The following RPH3A variants were observed in gnomAD, a reference collection of about 807,000 sequenced individuals.
The protein encoded by RPH3A is rabphilin-3A.
Under a neutral mutation model 102.2 loss-of-function variants are expected in RPH3A, and 48 were observed. The ratio of observed to expected loss-of-function variants is 0.47; its 90% CI spans 0.37 to 0.60. RPH3A has a LOEUF of 0.60. RPH3A is among the 20% of genes least tolerant of loss of function. The pLI, the probability that RPH3A is intolerant of heterozygous loss-of-function variation, is 0.00. For missense variants in RPH3A, 781 were observed against 910.1 expected (o/e 0.86, Z 1.83); for synonymous variants, 310 against 324.3 (o/e 0.96, Z 0.47).
At chr12:112,841,556 G>A (rs1352772510) in intron 4 of RPH3A, among the ~76,000 whole-genome samples, 1 of 152,156 alleles carries the variant, frequency 6.6e-6, no homozygotes, top group African/African-American at 2.4e-5. Context: ...GAGAGTAAAT[G>A]TAAACCCTAT....
At chr12:112,821,151 C>G (rs1466705499) in intron 2 of RPH3A, among the ~76,000 whole-genome samples, 1 of 152,178 alleles carries the variant, frequency 6.6e-6, no homozygotes, top group Admixed American at 6.5e-5. Context: ...ACCAGGCGGG[C>G]AGGCAAGTGA....
chr12:112,669,712 A>T (rs1472479938), intron 1 of RPH3A, among the ~76,000 whole-genome samples: 2 of 152,246 alleles, frequency 1.3e-5, no homozygotes, highest in East Asian at 3.8e-4. Context: ...CATAAATGAG[A>T]TCATACTGTG....
intron 1 of RPH3A, among the ~76,000 whole-genome samples, chr12:112,641,745 T>G (rs1293577057): frequency 6.6e-6 from 1 of 152,150 alleles, no homozygotes; most frequent in Non-Finnish European, 1.5e-5. Context: ...TTGTAGAGAT[T>G]TGTAACTATC....
chr12:112,755,198 C>G (rs756962020), intron 1 of RPH3A, among the ~76,000 whole-genome samples: 2 of 151,968 alleles, frequency 1.3e-5, no homozygotes, highest in Non-Finnish European at 2.9e-5. Flanking sequence ...TCATCTAGTT[C>G]TCACTTCTCC....
At chr12:112,595,789 C>T (rs909826063) in intron 1 of RPH3A, among the ~76,000 whole-genome samples, 1 of 152,152 alleles carries the variant, frequency 6.6e-6, no homozygotes, top group African/African-American at 2.4e-5. Context: ...GACATCCAAG[C>T]CAATTTTGGG....
At chr12:112,873,150 T>C (rs1252332359) in intron 10 of RPH3A, among the ~76,000 whole-genome samples, 2 of 152,222 alleles carry the variant, frequency 1.3e-5, no homozygotes, top group Non-Finnish European at 2.9e-5. Flanking sequence ...ATAATCATAA[T>C]AACAACTTAA....
chr12:112,596,082 A>G (rs2039514341), intron 1 of RPH3A, among the ~76,000 whole-genome samples: 1 of 152,198 alleles, frequency 6.6e-6, no homozygotes, highest in Admixed American at 6.5e-5. Flanking sequence ...TTCTCAAAAC[A>G]TCATTGAGTG....
rs932698157 is a variant in RPH3A, at chr12:112,897,015, T to C, written c.*235T>C. On this transcript the variant is annotated 3_prime_UTR_variant, in exon 22 of 22. Transcript: ENST00000389385. ...CTCTCTCATCCCTGGGATGGAGCAATGGGGATGGGGTTGGGGAGACGTTTA... is the reference window on the plus strand; with the variant it reads ...CTCTCTCATCCCTGGGATGGAGCAACGGGGATGGGGTTGGGGAGACGTTTA... 2.0e-6 allele frequency: 1 copy of C among 510,328 alleles called. No homozygotes were observed. Among genetic ancestry groups the C allele is most frequent in the Non-Finnish European group, 3.5e-6 (1 of 282,530 alleles). The allele number at this position is 510,328 out of a possible 1,614,324, so 31.6% of individuals were successfully genotyped here. A position where few individuals can be genotyped will look rare whatever the true frequency, so the allele number is the denominator to read the frequency against.
intron 1 of RPH3A, among the ~76,000 whole-genome samples, chr12:112,732,613 A>G (rs2040642571): frequency 2.0e-5 from 3 of 152,248 alleles, no homozygotes; most frequent in South Asian, 4.1e-4. Context: ...AGGGAGCAGA[A>G]TAAGGTAGTG....
At chr12:112,777,768 T>G (rs76878265) in intron 1 of RPH3A, among the ~76,000 whole-genome samples, 2 of 152,242 alleles carry the variant, frequency 1.3e-5, no homozygotes, top group Non-Finnish European at 2.9e-5. Context: ...GAGTCAGAAA[T>G]GCAGCACAGG....
chr12:112,706,773 A>G (rs2040430011), intron 1 of RPH3A, among the ~76,000 whole-genome samples: 1 of 152,230 alleles, frequency 6.6e-6, no homozygotes, highest in African/African-American at 2.4e-5. Flanking sequence ...GCTCAATTTT[A>G]TATAGAGAGA....
intron 1 of RPH3A, among the ~76,000 whole-genome samples, chr12:112,723,824 A>G (rs2040568311): frequency 6.6e-6 from 1 of 152,238 alleles, no homozygotes; most frequent in African/African-American, 2.4e-5. Flanking sequence ...AGTATGGACG[A>G]CAGTTAATGT....
chr12:112,619,810 A>C (rs1438929000), intron 1 of RPH3A, among the ~76,000 whole-genome samples: 1 of 152,142 alleles, frequency 6.6e-6, no homozygotes, highest in Admixed American at 6.5e-5. Context: ...ACAGGTAGTG[A>C]CCTACCTAAT....
intron 4 of RPH3A, among the ~76,000 whole-genome samples, chr12:112,838,458 G>A (rs572921881): frequency 1.3e-5 from 2 of 152,202 alleles, no homozygotes; most frequent in Non-Finnish European, 2.9e-5. Flanking sequence ...TGGGCAAAAG[G>A]TTCTGTGGTG....
chr12:112,595,448 G>C (rs189069402), intron 1 of RPH3A, among the ~76,000 whole-genome samples: 1 of 152,144 alleles, frequency 6.6e-6, no homozygotes, highest in African/African-American at 2.4e-5. Flanking sequence ...ATTTCCCTTA[G>C]CTGAGATACT....
intron 1 of RPH3A, among the ~76,000 whole-genome samples, chr12:112,770,571 C>T (rs547386875): frequency 2.2e-4 from 33 of 151,982 alleles, no homozygotes; most frequent in South Asian, 4.2e-4. Context: ...CTCGAACTCC[C>T]GAGCTCATGT....
At chr12:112,585,639 G>A (rs947573751) in intron 1 of RPH3A, among the ~76,000 whole-genome samples, 14 of 152,154 alleles carry the variant, frequency 9.2e-5, no homozygotes, top group Non-Finnish European at 1.9e-4. Context: ...GGAGGTTGAG[G>A]CAGGAGAATC....
chr12:112,708,014 G>A (rs1047057933), intron 1 of RPH3A, among the ~76,000 whole-genome samples: 17 of 152,222 alleles, frequency 1.1e-4, no homozygotes, highest in African/African-American at 2.9e-4. Flanking sequence ...GGCTGAAGTC[G>A]TGGGACGGGA....
chr12:112,656,692 G>A (rs763184219), intron 1 of RPH3A, among the ~76,000 whole-genome samples: 13 of 152,042 alleles, frequency 8.6e-5, no homozygotes, highest in Non-Finnish European at 1.9e-4. Flanking sequence ...CTGTTTCTGA[G>A]TTATTTCCCA....
Sources: gnomAD v4.1 joint callset for allele counts (sites outside exome capture counted in the v4.1 genomes callset) on GRCh38, gnomAD v4.1.1 for gene constraint, MANE v1.5 for transcripts, NCBI Gene and HGNC (gene_info 2026-07-23, HGNC 2026-07-21) for gene names.